Variants in SYBU observed in about 807,000 individuals in gnomAD.
The protein encoded by SYBU is syntabulin, also known as GOLSYN A protein.
A neutral mutation model predicts 35.9 loss-of-function variants in SYBU; 21 were observed. That is an observed-to-expected ratio of 0.58 (90% CI 0.41 to 0.84). The LOEUF is 0.84. Ranked by LOEUF, SYBU falls within the 40% of genes least tolerant of loss-of-function variation. The probability of loss-of-function intolerance (pLI) is 0.00; values close to 1 mark genes in which losing one functional copy is unlikely to be tolerated. For missense variants in SYBU, 768 were observed against 848.2 expected (o/e 0.91, Z 1.17); for synonymous variants, 319 against 324.3 (o/e 0.98, Z 0.18).
At chr8:109,583,251 T>C (rs1369946755) in intron 4 of SYBU, among the ~76,000 whole-genome samples, 1 of 152,194 alleles carries the variant, frequency 6.6e-6, no homozygotes, top group Non-Finnish European at 1.5e-5. Flanking sequence ...GGTAAGATGC[T>C]ATTATTATCC....
intron 3 of SYBU, among the ~76,000 whole-genome samples, chr8:109,597,037 T>C (rs1017881136): frequency 6.6e-6 from 1 of 152,198 alleles, no homozygotes; most frequent in Non-Finnish European, 1.5e-5. Flanking sequence ...GGGTCCAATA[T>C]GCCTAAGGTG....
intron 3 of SYBU, chr8:109,603,445 C>T: frequency 1.0e-6 from 1 of 981,920 alleles, no homozygotes; most frequent in Non-Finnish European, 1.2e-6. Context: ...CTCTCAGTGA[C>T]ATCTGGCACA....
chr8:109,666,310 C>T (rs951484798), intron 1 of SYBU, among the ~76,000 whole-genome samples: 25 of 152,142 alleles, frequency 1.6e-4, no homozygotes, highest in Non-Finnish European at 3.2e-4. Flanking sequence ...TAGGGGCTGT[C>T]CTTTGCATTG....
rs1323905024 is a variant in SYBU at position 109,574,172 on chromosome 8, A to C, written c.*734T>G. 1.3e-5 allele frequency: 2 copies of C among 152,336 alleles called. No homozygotes were observed. The highest frequency in any genetic ancestry group is 2.9e-5 in the Non-Finnish European group (2 of 68,044). 9.4% of individuals were successfully genotyped at this position (152,336 alleles called of 1,614,324 possible). A position where few individuals can be genotyped will look rare whatever the true frequency, so the allele number is the denominator to read the frequency against. ...TATACATAGAAGTAAAATCACAGAA[A>C]TAATTATTATTTTATGGGAGGATAA... On this transcript the variant is annotated 3_prime_UTR_variant, in exon 7 of 7. Transcript: ENST00000276646.
intron 3 of SYBU, among the ~76,000 whole-genome samples, chr8:109,611,429 C>A (rs1194436300): frequency 7.0e-6 from 1 of 143,020 alleles, no homozygotes; most frequent in South Asian, 2.3e-4. Context: ...AAATATGTAA[C>A]CCTGCCATAA....
intron 3 of SYBU, among the ~76,000 whole-genome samples, chr8:109,589,838 C>CA (rs1291755410): frequency 2.6e-5 from 4 of 152,156 alleles, no homozygotes; most frequent in African/African-American, 9.7e-5. Context: ...GAGCAGTCCT[C>CA]ATACATCAGA....
chr8:109,675,316 A>G (rs561779013), intron 1 of SYBU, among the ~76,000 whole-genome samples: 1 of 152,354 alleles, frequency 6.6e-6, no homozygotes, highest in Admixed American at 6.5e-5. Context: ...AGATAGAGAC[A>G]AGAAAAGCCC....
chr8:109,686,173 C>A (rs1015617401), intron 1 of SYBU, among the ~76,000 whole-genome samples: 2 of 148,140 alleles, frequency 1.4e-5, no homozygotes, highest in South Asian at 2.1e-4. Context: ...GTACCTAATT[C>A]TGTAGTGAGG....
chr8:109,630,689 G>C (rs560864277), intron 2 of SYBU, among the ~76,000 whole-genome samples: 2 of 152,280 alleles, frequency 1.3e-5, no homozygotes, highest in South Asian at 4.1e-4. Context: ...GGAGAAAAAT[G>C]GGTTTATGAT....
intron 3 of SYBU, among the ~76,000 whole-genome samples, chr8:109,609,635 T>C (rs1457216066): frequency 6.6e-6 from 1 of 152,186 alleles, no homozygotes; most frequent in African/African-American, 2.4e-5. Flanking sequence ...TTTTCCATAA[T>C]AAGCACCCAT....
rs1442105480 is a variant in SYBU, at chr8:109,642,979, C to T, written c.25-47G>A. 5 of 1,451,240 alleles carry T rather than the reference C, an allele frequency of 3.4e-6. No homozygotes were observed. In the African/African-American group the frequency reaches 7.2e-5, roughly 21 times the overall value. 89.9% of individuals were successfully genotyped at this position (1,451,240 alleles called of 1,614,324 possible). A position where few individuals can be genotyped will look rare whatever the true frequency, so the allele number is the denominator to read the frequency against. On this transcript the variant is annotated intron_variant, in intron 1 of 6. Transcript: ENST00000276646. ...AGAAAACAAAAGGAAACGCGTTTCC[C>T]TCTCTTAACTCCTGTCGGTTCCTTC...
At chr8:109,590,945 A>G (rs1457954213) in intron 3 of SYBU, among the ~76,000 whole-genome samples, 4 of 152,228 alleles carry the variant, frequency 2.6e-5, no homozygotes, top group Admixed American at 1.3e-4. Context: ...GTCTGATAAT[A>G]CCAGCTCCAT....
chr8:109,622,178 T>C (rs1197171643), intron 2 of SYBU, among the ~76,000 whole-genome samples: 2 of 142,608 alleles, frequency 1.4e-5, no homozygotes, highest in East Asian at 2.1e-4. Context: ...TAAAATAATA[T>C]GAGTATCTAT....
At position 109,586,095 on chromosome 8, in the gene SYBU, C is replaced by A; in HGVS notation, c.495G>T (p.Ser165=). Residue 165 remains serine (S), a synonymous_variant, in exon 4 of 7, where the codon TCG becomes TCT. Transcript: ENST00000276646. ...AAGAAGACCGCTTGCTTCCCGCAGT[C>A]GACATATGGACCTCAGGAGCGGAAA... ...GSISAPEVHM[S]TAGSKRSSSS... is the part of the protein sequence containing the mutation. The A allele has an allele frequency of 6.2e-7, 1 of 1,611,928 alleles. No individual in the cohort carries two copies. Among genetic ancestry groups the A allele is most frequent in the Non-Finnish European group, 8.5e-7 (1 of 1,179,304 alleles).
intron 3 of SYBU, among the ~76,000 whole-genome samples, chr8:109,612,465 A>G (rs1194067296): frequency 2.6e-5 from 4 of 152,228 alleles, no homozygotes; most frequent in Admixed American, 2.0e-4. Context: ...TTGCCAAAGT[A>G]TGCAGAATGT....
chr8:109,630,264 G>A (rs948781574), intron 2 of SYBU, among the ~76,000 whole-genome samples: 1 of 130,192 alleles, frequency 7.7e-6, no homozygotes, highest in African/African-American at 3.0e-5. Context: ...CACACTCTGG[G>A]GACTGTCGTG....
chr8:109,601,544 A>T (rs1825520122), intron 3 of SYBU, among the ~76,000 whole-genome samples: 1 of 152,174 alleles, frequency 6.6e-6, no homozygotes, highest in South Asian at 2.1e-4. Context: ...GTGCAAACAG[A>T]GAGGGCGGGC....
At chr8:109,627,143 T>A (rs1377046763) in intron 2 of SYBU, among the ~76,000 whole-genome samples, 2 of 138,258 alleles carry the variant, frequency 1.4e-5, no homozygotes, top group East Asian at 4.6e-4. Flanking sequence ...TTCAGTTGTA[T>A]AATTTTTGTG....
intron 3 of SYBU, among the ~76,000 whole-genome samples, chr8:109,586,692 T>C (rs1030962659): frequency 6.6e-6 from 1 of 152,204 alleles, no homozygotes; most frequent in Admixed American, 6.5e-5. Context: ...ACTGGCACTA[T>C]CTGAGGTGAC....
Sources: allele counts gnomAD v4.1 joint callset (sites outside exome capture counted in the v4.1 genomes callset), GRCh38; gene constraint gnomAD v4.1.1; transcripts MANE v1.5; gene names NCBI Gene and HGNC (gene_info 2026-07-23, HGNC 2026-07-21).